The following PCDH11Y variants were observed in gnomAD, a reference collection of about 807,000 sequenced individuals.
The protein encoded by PCDH11Y is protocadherin-11 Y-linked.
For synonymous variants in PCDH11Y, 9 were observed against 83.6 expected (o/e 0.11, Z 4.87); for missense variants, 12 against 224.8 (o/e 0.05, Z 6.05).
intron 2 of PCDH11Y, among the ~76,000 whole-genome samples, chrY:5,453,452 C>A: frequency 3.0e-5 from 1 of 33,815 alleles, no homozygotes; most frequent in Non-Finnish European, 7.3e-5. Context: ...CTAGGAAATA[C>A]CCTTCTTAAC....
chrY:5,307,296 TAA>T (rs2053091728), intron 2 of PCDH11Y, among the ~76,000 whole-genome samples: 7 of 32,815 alleles, frequency 2.1e-4, no homozygotes, highest in African/African-American at 3.6e-4. Context: ...CAAATTTCAT[TAA>T]GTTTGTTAAT....
chrY:5,236,471 CT>C (rs2052975371), intron 2 of PCDH11Y, among the ~76,000 whole-genome samples: 1 of 31,548 alleles, frequency 3.2e-5, no homozygotes, highest in Non-Finnish European at 7.7e-5. Flanking sequence ...GAATCTAGGC[CT>C]TCTTTCCCCA....
intron 1 of PCDH11Y, among the ~76,000 whole-genome samples, chrY:5,082,993 C>T: frequency 1.3e-4 from 4 of 31,985 alleles, no homozygotes; most frequent in African/African-American, 3.7e-4. Flanking sequence ...GGATGGCTGC[C>T]GCACCTCCCC....
intron 2 of PCDH11Y, among the ~76,000 whole-genome samples, chrY:5,384,090 C>G: frequency 3.0e-5 from 1 of 33,021 alleles, no homozygotes; most frequent in Non-Finnish European, 7.4e-5. Flanking sequence ...TCTTGCTCTT[C>G]TAATATAAAT....
intron 4 of PCDH11Y, among the ~76,000 whole-genome samples, chrY:5,695,211 C>T (rs2124711228): frequency 9.4e-5 from 3 of 31,778 alleles, no homozygotes; most frequent in South Asian, 7.1e-4. Flanking sequence ...CATTATGCAG[C>T]GACTTTCTTT....
At chrY:5,386,269 T>C (rs2124675352) in intron 2 of PCDH11Y, among the ~76,000 whole-genome samples, 2 of 33,377 alleles carry the variant, frequency 6.0e-5, no homozygotes, top group South Asian at 1.4e-3. Flanking sequence ...TGGTGTTTTT[T>C]CCTCACAGCT....
intron 4 of PCDH11Y, among the ~76,000 whole-genome samples, chrY:5,706,679 A>T: frequency 3.1e-5 from 1 of 32,736 alleles, no homozygotes; most frequent in Non-Finnish European, 7.6e-5. Context: ...TCTGACAGTG[A>T]TCTTTATTGA....
intron 2 of PCDH11Y, chrY:5,338,036 TC>T (rs2053140224): frequency 2.9e-6 from 1 of 339,808 alleles, no homozygotes. Flanking sequence ...CACGTCTTGC[TC>T]CTTTTGGTCC....
intron 2 of PCDH11Y, among the ~76,000 whole-genome samples, chrY:5,225,872 A>G: frequency 2.8e-4 from 9 of 31,794 alleles, no homozygotes; most frequent in African/African-American, 1.1e-3. Flanking sequence ...TCTGATGATC[A>G]GTGATGTTGA....
chrY:5,222,762 G>T, intron 2 of PCDH11Y, among the ~76,000 whole-genome samples: 9 of 31,578 alleles, frequency 2.9e-4, no homozygotes, highest in African/African-American at 9.9e-4. Flanking sequence ...CTCCCAAATT[G>T]CTGTGAATAC....
At chrY:5,018,237 A>T in intron 1 of PCDH11Y, among the ~76,000 whole-genome samples, 1 of 32,052 alleles carries the variant, frequency 3.1e-5, no homozygotes, top group Admixed American at 2.9e-4. Context: ...ACACACTTTA[A>T]GTGTCTAATT....
At chrY:5,227,998 A>G in intron 2 of PCDH11Y, among the ~76,000 whole-genome samples, 1 of 32,015 alleles carries the variant, frequency 3.1e-5, no homozygotes, top group African/African-American at 1.2e-4. Flanking sequence ...TAGGATTGGC[A>G]TTAATCACTT....
chrY:5,382,523 G>A (rs2053206190), intron 2 of PCDH11Y, among the ~76,000 whole-genome samples: 3 of 33,143 alleles, frequency 9.1e-5, no homozygotes, highest in Non-Finnish European at 1.5e-4. Flanking sequence ...TTTAAAGCAC[G>A]TCAGGGATAT....
intron 2 of PCDH11Y, among the ~76,000 whole-genome samples, chrY:5,256,821 T>A: frequency 3.0e-5 from 1 of 32,955 alleles, no homozygotes; most frequent in African/African-American, 1.2e-4. Context: ...ATGGGCTTAC[T>A]TTTTTTTCCT....
chrY:5,718,199 G>A, intron 4 of PCDH11Y, among the ~76,000 whole-genome samples: 7 of 33,082 alleles, frequency 2.1e-4, no homozygotes, highest in African/African-American at 8.3e-4. Context: ...GATGACTATA[G>A]TCAATAATAA....
At chrY:5,354,718 A>G (rs2053163860) in intron 2 of PCDH11Y, among the ~76,000 whole-genome samples, 1 of 32,992 alleles carries the variant, frequency 3.0e-5, no homozygotes, top group Non-Finnish European at 7.4e-5. Flanking sequence ...ATATGCACAT[A>G]TGTAACATCA....
intron 4 of PCDH11Y, among the ~76,000 whole-genome samples, chrY:5,712,858 A>G: frequency 1.4e-4 from 4 of 29,565 alleles, no homozygotes; most frequent in African/African-American, 5.3e-4. Context: ...TTTTTCTTAG[A>G]GAATGGACCT....
chrY:5,701,805 G>T (rs2053578251), intron 4 of PCDH11Y, among the ~76,000 whole-genome samples: 1 of 33,184 alleles, frequency 3.0e-5, no homozygotes, highest in Admixed American at 2.7e-4. Flanking sequence ...ACTGGGAAAA[G>T]CCACAGACAC....
At chrY:5,529,812 C>T (rs2124691333) in intron 3 of PCDH11Y, among the ~76,000 whole-genome samples, 5 of 32,486 alleles carry the variant, frequency 1.5e-4, no homozygotes, top group African/African-American at 5.9e-4. Context: ...GTGACTTTTA[C>T]CCCATTACCC....
Sources: gnomAD v4.1 joint callset for allele counts (sites outside exome capture counted in the v4.1 genomes callset) on GRCh38, gnomAD v4.1.1 for gene constraint, MANE v1.5 for transcripts, NCBI Gene and HGNC (gene_info 2026-07-23, HGNC 2026-07-21) for gene names.